ZC3H15: variants seen among roughly 807,000 people sequenced by gnomAD.
ZC3H15 encodes the protein zinc finger CCCH-type containing 15, also known as zinc finger CCCH domain-containing protein 15.
A neutral mutation model predicts 51.2 loss-of-function variants in ZC3H15; 15 were observed. The ratio of observed to expected loss-of-function variants is 0.29; its 90% CI spans 0.20 to 0.45. The LOEUF (loss-of-function observed/expected upper bound fraction) is 0.45, where lower values mean the gene tolerates loss of function less well. Ranked by LOEUF, ZC3H15 falls within the 20% of genes least tolerant of loss-of-function variation. The pLI is 1.00. For synonymous variants in ZC3H15, 144 were observed against 162.8 expected (o/e 0.88, Z 0.88); for missense variants, 381 against 494.7 (o/e 0.77, Z 2.18).
intron 2 of ZC3H15, 77 bp downstream of exon 2, chr2:186,495,411 A>G: frequency 1.1e-6 from 1 of 903,436 alleles, no homozygotes; most frequent in South Asian, 3.2e-5. Context: ...AATGTCTGGT[A>G]TTATTATATA....
chr2:186,500,113 T>C (rs1685355386), intron 2 of ZC3H15, 69 bp from the exon 3 acceptor site: 1 of 1,337,818 alleles, frequency 7.5e-7, no homozygotes, highest in African/African-American at 1.5e-5. Flanking sequence ...GTTATGGTAA[T>C]GCTAACTTTG....
intron 1 of ZC3H15, among the ~76,000 whole-genome samples, chr2:186,490,602 T>C (rs575542929): frequency 6.6e-6 from 1 of 152,324 alleles, no homozygotes; most frequent in South Asian, 2.1e-4. Context: ...CGTGACAGCT[T>C]CTGCCTACCC....
chr2:186,491,299 C>T (rs1432682391), intron 1 of ZC3H15, among the ~76,000 whole-genome samples: 2 of 152,104 alleles, frequency 1.3e-5, no homozygotes, highest in African/African-American at 2.4e-5. Context: ...AGACAAGGTT[C>T]TCAGTGTTTT....
intron 1 of ZC3H15, chr2:186,487,357 C>T (rs965095787): frequency 9.9e-5 from 15 of 152,158 alleles, no homozygotes; most frequent in African/African-American, 3.6e-4. Flanking sequence ...CAGACCCCAA[C>T]GAGGTATTTC....
chr2:186,487,370 C>T (rs773475786), intron 1 of ZC3H15: 9 of 152,142 alleles, frequency 5.9e-5, no homozygotes, highest in Middle Eastern at 3.2e-3. Flanking sequence ...GGTATTTCTT[C>T]CCTCGATTTC....
chr2:186,486,295 C>G lies in ZC3H15; in HGVS notation c.-88C>G, dbSNP rs1240797113. 9 of 1,332,392 alleles carry G rather than the reference C, an allele frequency of 6.8e-6. No individual in the cohort carries two copies. The highest frequency in any genetic ancestry group is 8.9e-6 in the Non-Finnish European group (9 of 1,015,980). 82.5% of individuals were successfully genotyped at this position (1,332,392 alleles called of 1,614,324 possible). On this transcript the variant is annotated 5_prime_UTR_variant, in exon 1 of 10. Coordinates refer to ENST00000337859, the MANE Select transcript of ZC3H15 (RefSeq NM_018471.3). ...CCGTGCGGTGCGGCGAGTGAGGCCC[C>G]GGTCTTCCTCCTCGTCCTGCCGCAG...
At chr2:186,506,658 G>C in intron 8 of ZC3H15, 55 bp from the exon 9 acceptor site, 1 of 1,552,490 alleles carries the variant, frequency 6.4e-7, no homozygotes, top group East Asian at 2.3e-5. Context: ...AATGTCAGGA[G>C]TAAAAGAAAA....
At chr2:186,487,603 G>A (rs569778104) in intron 1 of ZC3H15, among the ~76,000 whole-genome samples, 2 of 152,314 alleles carry the variant, frequency 1.3e-5, no homozygotes, top group African/African-American at 4.8e-5. Context: ...ACTATAGCCA[G>A]ACACTTAAAA....
At chr2:186,495,037 G>C (rs1189865294) in intron 1 of ZC3H15, among the ~76,000 whole-genome samples, 196 bp from the exon 2 acceptor site, 2 of 152,000 alleles carry the variant, frequency 1.3e-5, no homozygotes, top group African/African-American at 4.8e-5. Flanking sequence ...TGATAATGTT[G>C]AGTACATATT....
At position 186,500,462 on chromosome 2, in the gene ZC3H15, A is replaced by G. The variant is rs137922430; in HGVS notation, c.289+169A>G. On this transcript the variant is annotated intron_variant, in intron 3 of 9. Transcript: ENST00000337859. ...TGGGTTGCTTATGATTCCTCTGTAT[A>G]TGTTCACATCTGTGTCATTGTACAG... Among the ~76,000 whole-genome samples the G allele has an allele frequency of 1.6e-3, 240 of 152,302 alleles. 1 individual carries two copies. Among genetic ancestry groups the G allele is most frequent in the Admixed American group, 3.4e-3 (52 of 15,308 alleles).
At chr2:186,498,224 C>T (rs1041382214) in intron 2 of ZC3H15, among the ~76,000 whole-genome samples, 1 of 152,146 alleles carries the variant, frequency 6.6e-6, no homozygotes, top group African/African-American at 2.4e-5. Flanking sequence ...TCCCCCTACA[C>T]CCAAAATGGA....
intron 2 of ZC3H15, 91 bp from the exon 3 acceptor site, chr2:186,500,091 T>C: frequency 9.7e-7 from 1 of 1,027,028 alleles, no homozygotes; most frequent in South Asian, 1.7e-5. Context: ...ACTGTAAATA[T>C]GCAAGTGTCT....
At chr2:186,497,508 A>G (rs550777643) in intron 2 of ZC3H15, among the ~76,000 whole-genome samples, 1 of 152,142 alleles carries the variant, frequency 6.6e-6, no homozygotes, top group South Asian at 2.1e-4. Flanking sequence ...GAATCTTCCT[A>G]TCTTTTTTGT....
chr2:186,504,565 A>C (rs528684465), intron 6 of ZC3H15, among the ~76,000 whole-genome samples: 3 of 152,174 alleles, frequency 2.0e-5, no homozygotes, highest in Admixed American at 6.5e-5. Flanking sequence ...TTTCACTAGT[A>C]TATTAGTTAT....
intron 1 of ZC3H15, among the ~76,000 whole-genome samples, chr2:186,490,538 G>A (rs1685178862): frequency 6.6e-6 from 1 of 152,154 alleles, no homozygotes; most frequent in Non-Finnish European, 1.5e-5. Flanking sequence ...ATATTGCATG[G>A]ATGGACAACA....
At chr2:186,494,724 A>C (rs2105587449) in intron 1 of ZC3H15, among the ~76,000 whole-genome samples, 1 of 152,306 alleles carries the variant, frequency 6.6e-6, no homozygotes, top group East Asian at 1.9e-4. Context: ...GCAAGGACAA[A>C]AAACCAAACA....
chr2:186,502,024 A>G (rs1384530801), intron 4 of ZC3H15, among the ~76,000 whole-genome samples: 3 of 152,014 alleles, frequency 2.0e-5, no homozygotes, highest in Non-Finnish European at 4.4e-5. Context: ...GAATAATCTT[A>G]AAACTATTTA....
chr2:186,496,363 G>A (rs892313090), intron 2 of ZC3H15, among the ~76,000 whole-genome samples: 1 of 152,110 alleles, frequency 6.6e-6, no homozygotes, highest in African/African-American at 2.4e-5. Flanking sequence ...GACTACAGGC[G>A]CATGACACCA....
intron 4 of ZC3H15, among the ~76,000 whole-genome samples, 169 bp downstream of exon 4, chr2:186,501,594 C>T (rs1011024686): frequency 6.6e-6 from 1 of 152,100 alleles, no homozygotes; most frequent in African/African-American, 2.4e-5. Flanking sequence ...ATAATATGCC[C>T]TTTAAGTAAA....
Sources: allele counts gnomAD v4.1 joint callset (sites outside exome capture counted in the v4.1 genomes callset), GRCh38; gene constraint gnomAD v4.1.1; transcripts MANE v1.5; gene names NCBI Gene and HGNC (gene_info 2026-07-23, HGNC 2026-07-21).